Variants in LIX1 observed in about 807,000 individuals in gnomAD.
LIX1 encodes protein limb expression 1 homolog.
LIX1 carries 24 observed loss-of-function variants against 33.4 expected under a neutral mutation model. That is an observed-to-expected ratio of 0.72 (90% CI 0.52 to 1.01). The LOEUF (loss-of-function observed/expected upper bound fraction) is 1.01. Ranked by LOEUF, LIX1 falls within the 50% of genes least tolerant of loss-of-function variation. The pLI, the probability that LIX1 is intolerant of heterozygous loss-of-function variation, is 0.00. For missense variants in LIX1, 311 were observed against 339.2 expected (o/e 0.92, Z 0.65); for synonymous variants, 124 against 124.0 (o/e 1.00, Z 0.00).
At chr5:97,100,507 T>G (rs767464067) in intron 4 of LIX1, among the ~76,000 whole-genome samples, 3 of 152,226 alleles carry the variant, frequency 2.0e-5, no homozygotes, top group Admixed American at 6.5e-5. Flanking sequence ...ATAAAGTATA[T>G]TTAAATATTT....
At chr5:97,136,778 A>C (rs1166015643) in intron 1 of LIX1, among the ~76,000 whole-genome samples, 1 of 152,212 alleles carries the variant, frequency 6.6e-6, no homozygotes, top group African/African-American at 2.4e-5. Flanking sequence ...CAAACATTTC[A>C]TGGACACTAG....
rs1747122295 is a variant in LIX1 at position 97,107,507 on chromosome 5, A to G, written c.247-7T>C. On this transcript the variant is annotated splice_polypyrimidine_tract_variant and splice_region_variant and intron_variant, in intron 2 of 5. Transcript: ENST00000274382. ...CGGCTCTACTTAAGCAGCACTTGAG[A>G]AGGGAGGGAGAAAAGGAGTCATTTG... The G allele has an allele frequency of 6.2e-7, 1 of 1,613,766 alleles. No homozygotes were observed. The highest frequency in any genetic ancestry group is 1.7e-5 in the Admixed American group (1 of 59,968).
rs377513606 is a variant in LIX1, at chr5:97,142,514, C to T, written c.63G>A (p.Pro21=). Residue 21 remains proline, a synonymous_variant, in exon 1 of 6, where the codon CCG becomes CCA. Transcript: ENST00000274382. The part of the protein sequence containing the change: ...IIAQVLPHRD[P]ALVFKDLNVV... ...ACTTACAGTCTTTGAAGACTAGAGC[C>T]GGATCTCTGTGAGGCAAGACTTGGG... 266 of 1,613,846 alleles carry T rather than the reference C, an allele frequency of 1.6e-4. No homozygotes were observed. Among genetic ancestry groups the T allele is most frequent in the Middle Eastern group, 4.9e-4 (3 of 6,080 alleles).
chr5:97,095,131 T>G, intron 5 of LIX1, 96 bp from the exon 6 acceptor site: 1 of 1,108,072 alleles, frequency 9.0e-7, no homozygotes, highest in Non-Finnish European at 1.3e-6. Flanking sequence ...ATTAGGGTTT[T>G]ATCAACAACC....
intron 2 of LIX1, among the ~76,000 whole-genome samples, chr5:97,116,442 G>A (rs556490866): frequency 1.3e-5 from 2 of 151,996 alleles, no homozygotes; most frequent in South Asian, 2.1e-4. Context: ...AGGTGTGGGG[G>A]AGGGGACTGC....
intron 4 of LIX1, among the ~76,000 whole-genome samples, chr5:97,100,375 T>C (rs1746631055): frequency 6.6e-6 from 1 of 152,198 alleles, no homozygotes; most frequent in Non-Finnish European, 1.5e-5. Flanking sequence ...CAACTGCCAC[T>C]TCCTCAGTGT....
intron 2 of LIX1, among the ~76,000 whole-genome samples, chr5:97,123,085 G>A (rs1423482868): frequency 3.3e-5 from 5 of 152,014 alleles, no homozygotes; most frequent in African/African-American, 1.2e-4. Flanking sequence ...GTCTCTTTCT[G>A]GGCAATGGGC....
At chr5:97,142,460 A>G (rs1412259814) in intron 1 of LIX1, 35 bp downstream of exon 1, 2 of 1,514,234 alleles carry the variant, frequency 1.3e-6, no homozygotes, top group South Asian at 1.1e-5. Flanking sequence ...CTATTTTCTA[A>G]AAAGTCAAAA....
In LIX1 at chr5:97,124,462, TTA is replaced by T; in HGVS notation, c.246+2_246+3del. 1.3e-6 allele frequency: 2 copies of T among 1,594,882 alleles called. No homozygotes were observed. The highest frequency in any genetic ancestry group is 8.6e-7 in the Non-Finnish European group (1 of 1,169,332). ...TCACTGACAAATTAATGGCTACTTC[TTA>T]CCTGAAAGTTGCCAAAACAGCTTCC... On this transcript the variant is annotated splice_donor_variant and splice_donor_region_variant and intron_variant, in intron 2 of 5. Coordinates refer to ENST00000274382, the MANE Select transcript of LIX1 (RefSeq NM_153234.5). LOFTEE classifies it high-confidence loss of function.
Position 97,094,829 on chromosome 5 carries a change from C to G in LIX1, c.768G>C (p.Leu256=), listed in dbSNP as rs764657469. The G allele has an allele frequency of 6.2e-7, 1 of 1,614,196 alleles. No individual in the cohort carries two copies. Among genetic ancestry groups the G allele is most frequent in the Non-Finnish European group, 8.5e-7 (1 of 1,180,028 alleles). ...KEKKEILSLA[L]TQICSDPDTS... ...TGTCAGGGTCACTGCAGATCTGAGT[C>G]AGGGCTAAGCTCAATATTTCTTTCT... is the stretch of plus-strand genomic sequence containing the variant. Residue 256 remains leucine, a synonymous_variant, in exon 6 of 6, where the codon CTG becomes CTC. Transcript: ENST00000274382.
At chr5:97,111,716 G>A (rs1290971685) in intron 2 of LIX1, among the ~76,000 whole-genome samples, 2 of 152,122 alleles carry the variant, frequency 1.3e-5, no homozygotes, top group African/African-American at 4.8e-5. Context: ...GAGAGACCTA[G>A]TAAACACTAG....
At chr5:97,138,930 T>C (rs1042276371) in intron 1 of LIX1, among the ~76,000 whole-genome samples, 3 of 152,252 alleles carry the variant, frequency 2.0e-5, no homozygotes, top group African/African-American at 7.2e-5. Flanking sequence ...AAAGTATATA[T>C]AATGCAAATA....
chr5:97,107,605 C>T, intron 2 of LIX1, 105 bp from the exon 3 acceptor site: 1 of 1,252,964 alleles, frequency 8.0e-7, no homozygotes. Context: ...CATTTACTGT[C>T]CGCATCTATT....
chr5:97,130,470 A>T (rs1748030846), intron 1 of LIX1, among the ~76,000 whole-genome samples: 1 of 152,236 alleles, frequency 6.6e-6, no homozygotes, highest in Non-Finnish European at 1.5e-5. Flanking sequence ...TAGACACCGG[A>T]CACAGGAAGC....
At chr5:97,141,164 G>A (rs184641374) in intron 1 of LIX1, among the ~76,000 whole-genome samples, 28 of 152,062 alleles carry the variant, frequency 1.8e-4, no homozygotes, top group Non-Finnish European at 1.8e-4. Context: ...TAAATGCTCA[G>A]CATAAGAACC....
chr5:97,135,826 A>ATTT (rs1748160448), intron 1 of LIX1, among the ~76,000 whole-genome samples: 1 of 152,144 alleles, frequency 6.6e-6, no homozygotes, highest in South Asian at 2.1e-4. Context: ...CTCAAAATTA[A>ATTT]TAAAAATAAA....
chr5:97,127,433 C>T (rs750549607), intron 1 of LIX1, among the ~76,000 whole-genome samples: 12 of 152,166 alleles, frequency 7.9e-5, no homozygotes, highest in Non-Finnish European at 1.3e-4. Context: ...CTGATGATCC[C>T]ATAGATGTCA....
chr5:97,110,019 A>G (rs767325001), intron 2 of LIX1, among the ~76,000 whole-genome samples: 6 of 152,220 alleles, frequency 3.9e-5, no homozygotes, highest in South Asian at 2.1e-4. Context: ...TATTTTTGCA[A>G]TTGCAAATTG....
chr5:97,097,597 A>G (rs1746457092), intron 4 of LIX1, among the ~76,000 whole-genome samples: 1 of 152,226 alleles, frequency 6.6e-6, no homozygotes, highest in Non-Finnish European at 1.5e-5. Context: ...TTGTGACATT[A>G]TTTTGCAAAA....
Sources: allele counts gnomAD v4.1 joint callset (sites outside exome capture counted in the v4.1 genomes callset), GRCh38; gene constraint gnomAD v4.1.1; transcripts MANE v1.5; gene names NCBI Gene and HGNC (gene_info 2026-07-23, HGNC 2026-07-21).